TMC1: variants seen among roughly 807,000 people sequenced by gnomAD.
TMC1 encodes the protein transmembrane channel-like protein 1.
A neutral mutation model predicts 105.8 loss-of-function variants in TMC1; 84 were observed. The ratio of observed to expected loss-of-function variants is 0.79; its 90% CI spans 0.67 to 0.95. The LOEUF (loss-of-function observed/expected upper bound fraction) is 0.95, where lower values mean the gene tolerates loss of function less well. Ranked by LOEUF, TMC1 falls within the 40% of genes least tolerant of loss-of-function variation. The pLI is 0.00. For missense variants in TMC1, 817 were observed against 914.1 expected, an observed-to-expected ratio of 0.89 and a Z score of 1.37; for synonymous variants, 315 against 311.5, an observed-to-expected ratio of 1.01 and a Z score of -0.12.
intron 1 of TMC1, among the ~76,000 whole-genome samples, chr9:72,527,790 C>G (rs1194638012): frequency 6.6e-6 from 1 of 152,224 alleles, no homozygotes; most frequent in East Asian, 1.9e-4. Flanking sequence ...AGGGGCTTCT[C>G]CTCTGGGTGT....
chr9:72,609,187 TCC>T, intron 2 of TMC1, among the ~76,000 whole-genome samples: 1 of 88,070 alleles, frequency 1.1e-5, no homozygotes, highest in Non-Finnish European at 2.9e-5. Context: ...TTCCCTTCCT[TCC>T]TTCCTTCCTT....
At chr9:72,558,934 A>G (rs541788265) in intron 1 of TMC1, among the ~76,000 whole-genome samples, 1 of 152,256 alleles carries the variant, frequency 6.6e-6, no homozygotes, top group Admixed American at 6.5e-5. Context: ...GTTATAAGAA[A>G]TGCAATTAAA....
In TMC1 at chr9:72,836,065, ACTG is replaced by A. The variant is rs778918978; in HGVS notation, c.*95_*97del. On this transcript the variant is annotated 3_prime_UTR_variant, in exon 24 of 24. Coordinates refer to ENST00000297784, the MANE Select transcript of TMC1 (RefSeq NM_138691.3). ...ACGCCCAGAGAACAAGCACTGTGGA[ACTG>A]CTATTTTCCTGTTCTACCCTTGATG... is the stretch of plus-strand genomic sequence containing the variant. 3 of 1,438,804 alleles carry A rather than the reference ACTG, an allele frequency of 2.1e-6. No individual in the cohort carries two copies. In the South Asian group the frequency reaches 3.4e-5, roughly 16 times the overall value. 89.1% of individuals were successfully genotyped at this position (1,438,804 alleles called of 1,614,324 possible). A position where few individuals can be genotyped will look rare whatever the true frequency, so the allele number is the denominator to read the frequency against.
intron 1 of TMC1, among the ~76,000 whole-genome samples, chr9:72,542,368 G>A (rs990250125): frequency 5.3e-5 from 8 of 152,112 alleles, no homozygotes; most frequent in African/African-American, 1.9e-4. Flanking sequence ...GGTGAGGCAG[G>A]AGAATCACTT....
Position 72,691,711 on chromosome 9 carries a change from A to G in TMC1, c.65-2832A>G, listed in dbSNP as rs551628729. The stretch of plus-strand genomic sequence containing the variant: ...TGTTTCCAGTAGTCCCCAGGCATCA[A>G]CAGTATGCTGGGTCCTGTCCATGCC... On this transcript the variant is annotated intron_variant, in intron 6 of 23. Coordinates refer to ENST00000297784, the MANE Select transcript of TMC1 (RefSeq NM_138691.3). Among the ~76,000 whole-genome samples the G allele has an allele frequency of 2.6e-5, 4 of 152,208 alleles. No homozygotes were observed. In the South Asian group the frequency reaches 8.3e-4, roughly 32 times the overall value.
chr9:72,788,608 C>T (rs535244384), intron 14 of TMC1, 125 bp downstream of exon 14: 1 of 1,046,100 alleles, frequency 9.6e-7, no homozygotes, highest in Non-Finnish European at 1.4e-6. Flanking sequence ...TGGTTTCTGC[C>T]TACCAAGATC....
intron 2 of TMC1, among the ~76,000 whole-genome samples, chr9:72,607,032 G>A (rs1374126039): frequency 6.6e-6 from 1 of 151,436 alleles, no homozygotes; most frequent in African/African-American, 2.4e-5. Context: ...GAGAGAAAGA[G>A]AACTTAGAAT....
intron 1 of TMC1, among the ~76,000 whole-genome samples, chr9:72,557,768 T>A (rs1015248263): frequency 5.3e-5 from 8 of 152,148 alleles, no homozygotes; most frequent in Non-Finnish European, 8.8e-5. Flanking sequence ...CACTGAGTCA[T>A]TTGCCTGTGG....
At chr9:72,754,983 T>A in intron 12 of TMC1, 99 bp downstream of exon 12, 1 of 855,056 alleles carries the variant, frequency 1.2e-6, no homozygotes. Flanking sequence ...TCAGGCTGAA[T>A]GTCTTAAGAA....
chr9:72,773,455 CACTT>C (rs1827962702), intron 13 of TMC1, among the ~76,000 whole-genome samples: 1 of 152,110 alleles, frequency 6.6e-6, no homozygotes, highest in Non-Finnish European at 1.5e-5. Flanking sequence ...AAACCTGCCT[CACTT>C]ACTTGTTCCT....
At chr9:72,772,889 T>C (rs2501913) in intron 13 of TMC1, among the ~76,000 whole-genome samples, 89,318 of 151,978 alleles carry the variant, frequency 0.59, 28,134 homozygotes, top group African/African-American at 0.83. Flanking sequence ...GCTGCTGGTC[T>C]CTCTTTTGCG....
chr9:72,548,628 A>G (rs891472175), intron 1 of TMC1, among the ~76,000 whole-genome samples: 1 of 151,742 alleles, frequency 6.6e-6, no homozygotes, highest in Non-Finnish European at 1.5e-5. Flanking sequence ...CCAACAAGAT[A>G]TGTTTTCTTT....
At chr9:72,639,639 T>A (rs1825591418) in intron 4 of TMC1, among the ~76,000 whole-genome samples, 1 of 152,174 alleles carries the variant, frequency 6.6e-6, no homozygotes. Flanking sequence ...GTGAAATATA[T>A]GCTTGAAATT....
intron 2 of TMC1, among the ~76,000 whole-genome samples, chr9:72,614,762 C>A (rs1239084144): frequency 6.6e-6 from 1 of 152,114 alleles, no homozygotes; most frequent in Non-Finnish European, 1.5e-5. Flanking sequence ...TTCACTGTAA[C>A]CACCGCCTCC....
chr9:72,685,188 G>A (rs1036933119), intron 5 of TMC1, among the ~76,000 whole-genome samples: 1 of 136,218 alleles, frequency 7.3e-6, no homozygotes, highest in African/African-American at 2.8e-5. Context: ...CTCACTGCAA[G>A]CTCCGCCTCC....
At chr9:72,537,807 A>G (rs1823608499) in intron 1 of TMC1, among the ~76,000 whole-genome samples, 1 of 152,146 alleles carries the variant, frequency 6.6e-6, no homozygotes, top group Non-Finnish European at 1.5e-5. Context: ...CTGATTGGCA[A>G]TGGTTGAATG....
intron 1 of TMC1, among the ~76,000 whole-genome samples, chr9:72,572,731 G>A (rs540174963): frequency 1.3e-5 from 2 of 152,226 alleles, no homozygotes; most frequent in African/African-American, 2.4e-5. Context: ...GTTCATGACT[G>A]TAATCTCCCA....
At chr9:72,726,577 A>G (rs1827129065) in intron 8 of TMC1, among the ~76,000 whole-genome samples, 1 of 152,204 alleles carries the variant, frequency 6.6e-6, no homozygotes, top group South Asian at 2.1e-4. Flanking sequence ...ACAGTCTTCC[A>G]TGTCTAAGTT....
chr9:72,551,816 A>C (rs939223719), intron 1 of TMC1, among the ~76,000 whole-genome samples: 1 of 152,308 alleles, frequency 6.6e-6, no homozygotes, highest in Middle Eastern at 3.4e-3. Flanking sequence ...CCTCATAAGA[A>C]GAGGAGAAGA....
Sources: allele counts gnomAD v4.1 joint callset (sites outside exome capture counted in the v4.1 genomes callset), GRCh38; gene constraint gnomAD v4.1.1; transcripts MANE v1.5; gene names NCBI Gene and HGNC (gene_info 2026-07-23, HGNC 2026-07-21).